COA7: variants seen among roughly 807,000 people sequenced by gnomAD.
COA7 encodes the protein Sel1 repeat containing 1.
Under a neutral mutation model 21.0 loss-of-function variants are expected in COA7, and 12 were observed. The ratio of observed to expected loss-of-function variants is 0.57; its 90% confidence interval spans 0.37 to 0.92. The LOEUF is 0.92. Among genes scored for constraint, COA7 ranks in the 40% least tolerant of loss-of-function variants. COA7 has a pLI of 0.01. For synonymous variants in COA7, 95 were observed against 107.4 expected (o/e 0.88, Z 0.72); for missense variants, 240 against 286.1 (o/e 0.84, Z 1.16).
rs1295541125 is a variant in COA7, at chr1:52,686,707, C to G, written c.*1013G>C. Reference sequence around the variant, plus strand: ...TCGTGATCCACCCGCCTTGGCCACCCAAAGTGCTGGGGTTACAGGCGTGAG... The same window carrying G: ...TCGTGATCCACCCGCCTTGGCCACCGAAAGTGCTGGGGTTACAGGCGTGAG... On this transcript the variant is annotated 3_prime_UTR_variant, in exon 3 of 3. Coordinates refer to ENST00000371538, the MANE Select transcript of COA7 (RefSeq NM_023077.3). 1 of 152,322 alleles carries G rather than the reference C, an allele frequency of 6.6e-6. No individual in the cohort carries two copies. Among genetic ancestry groups the G allele is most frequent in the East Asian group, 1.9e-4 (1 of 5,194 alleles). The allele number at this position is 152,322 out of a possible 1,614,324, so 9.4% of individuals were successfully genotyped here. A position where few individuals can be genotyped will look rare whatever the true frequency, so the allele number is the denominator to read the frequency against.
intron 2 of COA7, among the ~76,000 whole-genome samples, chr1:52,691,034 A>C (rs566920815): frequency 6.6e-6 from 1 of 151,336 alleles, no homozygotes; most frequent in Non-Finnish European, 1.5e-5. Flanking sequence ...CACTTGAGCC[A>C]GGGGGTTGTG....
chr1:52,691,477 T>G (rs1387032463), intron 2 of COA7, among the ~76,000 whole-genome samples: 1 of 150,490 alleles, frequency 6.6e-6, no homozygotes, highest in Non-Finnish European at 1.5e-5. Flanking sequence ...TGTGTTTTTT[T>G]TTTTTTTTTT....
At position 52,685,515 on chromosome 1, in the gene COA7, T is replaced by C. The variant is rs1558101547; in HGVS notation, c.*2205A>G. On this transcript the variant is annotated 3_prime_UTR_variant, in exon 3 of 3. Coordinates refer to ENST00000371538, the MANE Select transcript of COA7 (RefSeq NM_023077.3). ...GGTTTTTGATTTACATTTCCCTAAT[T>C]AGTGATGTTGAACATATTTTCATGT... is the stretch of plus-strand genomic sequence containing the variant. 6.6e-6 allele frequency: 1 copy of C among 152,082 alleles called. No homozygotes were observed. Among genetic ancestry groups the C allele is most frequent in the Non-Finnish European group, 1.5e-5 (1 of 68,030 alleles). The allele number at this position is 152,082 out of a possible 1,614,324, so 9.4% of individuals were successfully genotyped here.
intron 1 of COA7, among the ~76,000 whole-genome samples, chr1:52,694,432 C>T (rs1470669092): frequency 6.8e-6 from 1 of 147,834 alleles, no homozygotes; most frequent in Non-Finnish European, 1.5e-5. Flanking sequence ...TGCGCTCCAG[C>T]CTGGGCAACA....
At chr1:52,691,183 A>T (rs1440268421) in intron 2 of COA7, among the ~76,000 whole-genome samples, 1 of 152,010 alleles carries the variant, frequency 6.6e-6, no homozygotes, top group East Asian at 1.9e-4. Flanking sequence ...TGAGAGGCCA[A>T]GGTGCAAGGA....
intron 1 of COA7, among the ~76,000 whole-genome samples, chr1:52,695,271 G>GCAA (rs1437915445): frequency 8.8e-5 from 12 of 135,630 alleles, no homozygotes; most frequent in Non-Finnish European, 4.6e-5. Flanking sequence ...TCAAGCCTGG[G>GCAA]CAACAGAGCA....
intron 2 of COA7, among the ~76,000 whole-genome samples, chr1:52,690,195 T>C (rs428366): frequency 0.29 from 44,550 of 151,862 alleles, 7,174 homozygotes; most frequent in Non-Finnish European, 0.37. Flanking sequence ...ACAAATAATT[T>C]TAAGTAGAAG....
chr1:52,691,763 C>T (rs1253188749), intron 2 of COA7, among the ~76,000 whole-genome samples: 2 of 152,112 alleles, frequency 1.3e-5, no homozygotes, highest in Non-Finnish European at 2.9e-5. Context: ...CATGAGCCAC[C>T]GTGCCTGGCC....
Position 52,692,885 on chromosome 1 carries a change from G to C in COA7, c.107-18C>G. 6.2e-7 allele frequency: 1 copy of C among 1,613,916 alleles called. No individual in the cohort carries two copies. The highest frequency in any genetic ancestry group is 8.5e-7 in the Non-Finnish European group (1 of 1,179,934). ...ATAGCAACCTGCGAGAAGAGGGCAAGGGTTGTTCTTCATGTCTGGGGCTGC... is the reference window on the plus strand; with the variant it reads ...ATAGCAACCTGCGAGAAGAGGGCAACGGTTGTTCTTCATGTCTGGGGCTGC... On this transcript the variant is annotated intron_variant, in intron 1 of 2. Coordinates refer to ENST00000371538, the MANE Select transcript of COA7 (RefSeq NM_023077.3).
chr1:52,693,758 C>T (rs1644064566), intron 1 of COA7, among the ~76,000 whole-genome samples: 1 of 152,084 alleles, frequency 6.6e-6, no homozygotes, highest in African/African-American at 2.4e-5. Context: ...TGGCAGTCTC[C>T]CAGTCCCAGT....
Position 52,688,175 on chromosome 1 carries a change from G to C in COA7, c.248-7C>G. 1 of 1,603,226 alleles carries C rather than the reference G, an allele frequency of 6.2e-7. No individual in the cohort carries two copies. Among genetic ancestry groups the C allele is most frequent in the South Asian group, 1.1e-5 (1 of 90,964 alleles). On this transcript the variant is annotated splice_polypyrimidine_tract_variant and splice_region_variant and intron_variant, in intron 2 of 2. Transcript: ENST00000371538. ...AGGTCCTGGGTCAGACCACCTGAGA[G>C]GAAGGAAAGTAGGAAAAAATAAACC... is the stretch of plus-strand genomic sequence containing the variant.
intron 1 of COA7, among the ~76,000 whole-genome samples, chr1:52,696,676 T>C (rs1374768868): frequency 6.6e-6 from 1 of 151,716 alleles, no homozygotes; most frequent in Admixed American, 6.6e-5. Flanking sequence ...TTTTTTTTTT[T>C]AGTAGTGACA....
intron 2 of COA7, among the ~76,000 whole-genome samples, chr1:52,690,670 T>C (rs1370615202): frequency 6.9e-6 from 1 of 144,146 alleles, no homozygotes; most frequent in Non-Finnish European, 1.5e-5. Context: ...TTATTTACAT[T>C]TATTTATTTA....
At position 52,686,659 on chromosome 1, in the gene COA7, A is replaced by G. The variant is rs954299960; in HGVS notation, c.*1061T>C. On this transcript the variant is annotated 3_prime_UTR_variant, in exon 3 of 3. Transcript: ENST00000371538. ...GAGATGGGGTTTCCCCGTGTTAGCC[A>G]GGATGGTCATGATCTCCTGATCTCG... 1 of 152,212 alleles carries G rather than the reference A, an allele frequency of 6.6e-6. No individual in the cohort carries two copies. The highest frequency in any genetic ancestry group is 1.5e-5 in the Non-Finnish European group (1 of 68,114). 9.4% of individuals were successfully genotyped at this position (152,212 alleles called of 1,614,324 possible).
chr1:52,687,999 T>C lies in COA7; in HGVS notation c.417A>G (p.Thr139=), dbSNP rs756268069. Reference sequence around the variant, plus strand: ...AAGTATAGCCACCATCACAGGCCCTTGTGTAGTAGTCCCTGGCCTTTCCCA... The same window carrying C: ...AAGTATAGCCACCATCACAGGCCCTCGTGTAGTAGTCCCTGGCCTTTCCCA... ...PDLGKARDYY[T]RACDGGYTSS... Residue 139 remains threonine (T), a synonymous_variant, in exon 3 of 3, where the codon ACA becomes ACG. Transcript: ENST00000371538. 2.5e-6 allele frequency: 4 copies of C among 1,614,024 alleles called. No homozygotes were observed. In the African/African-American group the frequency reaches 4.0e-5, roughly 16 times the overall value.
Position 52,686,754 on chromosome 1 carries a change from G to C in COA7, c.*966C>G, listed in dbSNP as rs79413077. ...TGAGCCACCGTGCCCGGCCACAAAT[G>C]TTCTTAAAAGGCACAACCACCACAA... On this transcript the variant is annotated 3_prime_UTR_variant, in exon 3 of 3. Coordinates refer to ENST00000371538, the MANE Select transcript of COA7 (RefSeq NM_023077.3). 0.017 allele frequency: 2,621 copies of C among 152,262 alleles called. 35 individuals are homozygous for C. The highest frequency in any genetic ancestry group is 0.034 in the Middle Eastern group (10 of 294). The allele number at this position is 152,262 out of a possible 1,614,324, so 9.4% of individuals were successfully genotyped here.
At position 52,692,842 on chromosome 1, in the gene COA7, C is replaced by T. The variant is rs1372330741; in HGVS notation, c.132G>A (p.Leu44=). Residue 44 remains leucine, a synonymous_variant, in exon 2 of 3, where the codon TTG becomes TTA. Transcript: ENST00000371538. ...PDGCYRLVDY[L]EGIRKNFDEA... is the part of the protein sequence containing the mutation. ...CATCAAAATTCTTCCGGATCCCTTC[C>T]AAATAGTCCACCAGCCGATAGCAAC... 6.2e-7 allele frequency: 1 copy of T among 1,613,764 alleles called. No homozygotes were observed. The highest frequency in any genetic ancestry group is 8.5e-7 in the Non-Finnish European group (1 of 1,179,910).
chr1:52,697,111 A>G (rs931622125), intron 1 of COA7, among the ~76,000 whole-genome samples: 13 of 149,930 alleles, frequency 8.7e-5, no homozygotes, highest in African/African-American at 3.3e-4. Flanking sequence ...TCAGTCTCAA[A>G]AAAACAAAAA....
At chr1:52,695,245 T>C (rs1220246870) in intron 1 of COA7, among the ~76,000 whole-genome samples, 1 of 124,372 alleles carries the variant, frequency 8.0e-6, no homozygotes, top group Non-Finnish European at 1.6e-5. Flanking sequence ...AGTGAGCTGA[T>C]ATCGTGCCAC....
Sources: gnomAD v4.1 joint callset for allele counts (sites outside exome capture counted in the v4.1 genomes callset) on GRCh38, gnomAD v4.1.1 for gene constraint, MANE v1.5 for transcripts, NCBI Gene and HGNC (gene_info 2026-07-23, HGNC 2026-07-21) for gene names.